The following ZEB1 variants were observed in gnomAD, a reference collection of about 807,000 sequenced individuals.
ZEB1 encodes the protein zinc finger E-box-binding homeobox 1.
A neutral mutation model predicts 84.9 loss-of-function variants in ZEB1; 21 were observed. That is an observed-to-expected ratio of 0.25 (90% CI 0.18 to 0.36). The LOEUF is 0.36. ZEB1 is among the 10% of genes least tolerant of loss of function. The pLI is 1.00. For missense variants in ZEB1, 1,104 were observed against 1,330.2 expected (o/e 0.83, Z 2.65); for synonymous variants, 420 against 471.1 (o/e 0.89, Z 1.41).
chr10:31,389,161 A>T (rs2049168559), intron 1 of ZEB1, among the ~76,000 whole-genome samples: 1 of 152,124 alleles, frequency 6.6e-6, no homozygotes, highest in Non-Finnish European at 1.5e-5. Flanking sequence ...AGTATCAAAA[A>T]TAAGATCATT....
chr10:31,344,475 A>C (rs1425720906), intron 1 of ZEB1, among the ~76,000 whole-genome samples: 1 of 152,136 alleles, frequency 6.6e-6, no homozygotes, highest in Admixed American at 6.6e-5. Context: ...TTACTCATTT[A>C]AATTTTCTGA....
intron 3 of ZEB1, among the ~76,000 whole-genome samples, chr10:31,496,890 A>G (rs1293981394): frequency 6.6e-6 from 1 of 152,092 alleles, no homozygotes; most frequent in Non-Finnish European, 1.5e-5. Context: ...TAGCACTCCT[A>G]TACTCGTCAG....
intron 1 of ZEB1, among the ~76,000 whole-genome samples, chr10:31,324,083 T>C (rs1438065031): frequency 6.6e-6 from 1 of 151,956 alleles, no homozygotes; most frequent in African/African-American, 2.4e-5. Flanking sequence ...GTGATTCACT[T>C]AAATGTTTAT....
At chr10:31,415,335 T>C (rs1195734147) in intron 1 of ZEB1, among the ~76,000 whole-genome samples, 2 of 152,108 alleles carry the variant, frequency 1.3e-5, no homozygotes, top group African/African-American at 4.8e-5. Flanking sequence ...CTGCTGCAAC[T>C]ATTACTACTA....
chr10:31,517,886 T>C (rs1197422597), intron 6 of ZEB1, among the ~76,000 whole-genome samples: 4 of 152,134 alleles, frequency 2.6e-5, no homozygotes, highest in Non-Finnish European at 5.9e-5. Flanking sequence ...TTTCTACTTT[T>C]TACTGATGAG....
At chr10:31,366,838 T>C (rs535052375) in intron 1 of ZEB1, among the ~76,000 whole-genome samples, 12 of 152,242 alleles carry the variant, frequency 7.9e-5, no homozygotes, top group African/African-American at 2.9e-4. Context: ...GGAGCAAGAC[T>C]CCAGTGATCC....
chr10:31,348,337 G>A (rs1362455757), intron 1 of ZEB1, among the ~76,000 whole-genome samples: 1 of 152,142 alleles, frequency 6.6e-6, no homozygotes, highest in African/African-American at 2.4e-5. Flanking sequence ...GCTGAGGTGG[G>A]TGGATCACTT....
intron 1 of ZEB1, among the ~76,000 whole-genome samples, chr10:31,454,838 G>T (rs571326844): frequency 6.6e-6 from 1 of 152,052 alleles, no homozygotes; most frequent in African/African-American, 2.4e-5. Flanking sequence ...CCATACTGCC[G>T]AAAGTAATTT....
chr10:31,384,242 C>T (rs1326877741), intron 1 of ZEB1, among the ~76,000 whole-genome samples: 1 of 152,098 alleles, frequency 6.6e-6, no homozygotes, highest in Non-Finnish European at 1.5e-5. Context: ...TCCCGAAGTG[C>T]TAGGATTACA....
rs117681985 is a variant in ZEB1, at chr10:31,442,631, C to A, written c.59-18406C>A. Among the ~76,000 whole-genome samples the A allele has an allele frequency of 3.9e-4, 59 of 151,732 alleles. No homozygotes were observed. The East Asian group carries it at 0.011, about 27-fold the overall frequency. On this transcript the variant is annotated intron_variant, in intron 1 of 8. Coordinates refer to ENST00000424869, the MANE Select transcript of ZEB1 (RefSeq NM_001174096.2). ...AATTTGGGATTCATAGGAGAAGTCA[C>A]CTGGGATATAAAACTGGGAGTCAAC...
intron 1 of ZEB1, among the ~76,000 whole-genome samples, chr10:31,406,748 G>A (rs1253063831): frequency 6.6e-6 from 1 of 151,906 alleles, no homozygotes; most frequent in African/African-American, 2.4e-5. Flanking sequence ...TTGGTGTTTT[G>A]TTCATGAAGT....
intron 1 of ZEB1, among the ~76,000 whole-genome samples, chr10:31,450,144 A>C (rs2060373872): frequency 6.6e-6 from 1 of 152,262 alleles, no homozygotes; most frequent in Non-Finnish European, 1.5e-5. Context: ...TTGAATTTAT[A>C]GAAAAATTTA....
At chr10:31,522,015 T>C in intron 7 of ZEB1, 79 bp downstream of exon 7, 2 of 1,591,648 alleles carry the variant, frequency 1.3e-6, no homozygotes, top group Non-Finnish European at 1.7e-6. Flanking sequence ...CTAATAAATA[T>C]CAGTCCCGTA....
At chr10:31,420,130 C>T (rs181570238) in intron 1 of ZEB1, among the ~76,000 whole-genome samples, 35 of 152,214 alleles carry the variant, frequency 2.3e-4, no homozygotes, top group African/African-American at 7.2e-4. Flanking sequence ...TGCCCAGGAC[C>T]GGACAACCTA....
intron 1 of ZEB1, among the ~76,000 whole-genome samples, chr10:31,396,201 C>A (rs1375240040): frequency 1.3e-5 from 2 of 152,060 alleles, no homozygotes; most frequent in Non-Finnish European, 2.9e-5. Flanking sequence ...GAAGTTAATT[C>A]ATTTATTTAA....
rs1188131832 is a variant in ZEB1, at chr10:31,520,257, A to T, written c.925A>T (p.Thr309Ser). 1 of 1,614,016 alleles carries T rather than the reference A, an allele frequency of 6.2e-7. No homozygotes were observed. Among genetic ancestry groups the T allele is most frequent in the Admixed American group, 1.7e-5 (1 of 60,000 alleles). Reference sequence around the variant, plus strand: ...TGGGCGACCAAGAACAGGACTCAAGACATCTCAGTGTTCTTCACCGTCTCT... The same window carrying T: ...TGGGCGACCAAGAACAGGACTCAAGTCATCTCAGTGTTCTTCACCGTCTCT... Reference protein sequence around the residue: ...VNGRPRTGLKTSQCSSPSLSA... With the variant: ...VNGRPRTGLKSSQCSSPSLSA... Residue 309 changes from threonine to serine, a missense_variant, in exon 7 of 9, where the codon ACA (threonine) becomes TCA (serine). Coordinates refer to ENST00000424869, the MANE Select transcript of ZEB1 (RefSeq NM_001174096.2). The surrounding 1 kb of genome is among the most constrained non-coding windows in gnomAD (Gnocchi z 5.1).
At chr10:31,420,802 C>T (rs1009921497) in intron 1 of ZEB1, among the ~76,000 whole-genome samples, 1 of 152,110 alleles carries the variant, frequency 6.6e-6, no homozygotes, top group African/African-American at 2.4e-5. Flanking sequence ...TAAAAACTCT[C>T]ACATCTTTTA....
chr10:31,411,556 T>C (rs186514), intron 1 of ZEB1, among the ~76,000 whole-genome samples: 41,914 of 144,034 alleles, frequency 0.29, 13,666 homozygotes, highest in African/African-American at 0.8. Flanking sequence ...GGCGTGAACC[T>C]GGGAAGCGGA....
At chr10:31,500,338 T>C (rs2067938933) in intron 3 of ZEB1, among the ~76,000 whole-genome samples, 1 of 152,166 alleles carries the variant, frequency 6.6e-6, no homozygotes. Context: ...GAGAATGTTA[T>C]TTGCTTTGCT....
Sources: allele counts gnomAD v4.1 joint callset (sites outside exome capture counted in the v4.1 genomes callset), GRCh38; gene constraint gnomAD v4.1.1; non-coding constraint Gnocchi (gnomAD v3.1); transcripts MANE v1.5; gene names NCBI Gene and HGNC (gene_info 2026-07-23, HGNC 2026-07-21).